The following PRKCH variants were observed in gnomAD, a reference collection of about 807,000 sequenced individuals.
PRKCH encodes protein kinase C eta.
PRKCH carries 28 observed loss-of-function variants against 82.5 expected under a neutral mutation model. That is an observed-to-expected ratio of 0.34 (90% CI 0.25 to 0.47). The LOEUF (loss-of-function observed/expected upper bound fraction) is 0.47, where lower values mean the gene tolerates loss of function less well. Ranked by LOEUF, PRKCH falls within the 20% of genes least tolerant of loss-of-function variation. The pLI is 1.00. For synonymous variants in PRKCH, 322 were observed against 327.4 expected (o/e 0.98, Z 0.18); for missense variants, 705 against 881.8 (o/e 0.80, Z 2.54).
intron 1 of PRKCH, among the ~76,000 whole-genome samples, chr14:61,269,884 C>T (rs974528733): frequency 6.6e-6 from 1 of 152,178 alleles, no homozygotes; most frequent in East Asian, 1.9e-4. Flanking sequence ...CCGTCAGGGG[C>T]AGCGAGGCCA....
chr14:61,335,127 A>G (rs1338524287), intron 1 of PRKCH, among the ~76,000 whole-genome samples: 1 of 152,178 alleles, frequency 6.6e-6, no homozygotes, highest in Non-Finnish European at 1.5e-5. Flanking sequence ...GGGCCTTCTG[A>G]AAAGAATCGT....
intron 1 of PRKCH, among the ~76,000 whole-genome samples, chr14:61,272,344 C>CTTTTTTTTTTTTTTTTTTTTTTTTTTT (rs1162331604): frequency 5.1e-4 from 12 of 23,580 alleles, no homozygotes; most frequent in African/African-American, 1.4e-3. Flanking sequence ...TTTTTTCTTT[C>CTTTTTTTTTTTTTTTTTTTTTTTTTTT]TTTTTTTTTT....
rs576660714 is a variant in PRKCH at position 61,466,199 on chromosome 14, T to C, written c.1278+8520T>C. On this transcript the variant is annotated intron_variant, in intron 9 of 13. Transcript: ENST00000332981. ...AATTATGAAGGATTTTTTTCCTATT[T>C]ACCAAATTTGGTAATAGGATTACAT... Among the ~76,000 whole-genome samples, 3 of 152,296 alleles carry C rather than the reference T, an allele frequency of 2.0e-5. No individual in the cohort carries two copies. In the South Asian group the frequency reaches 6.2e-4, roughly 32 times the overall value.
At chr14:61,465,518 A>G (rs905810744) in intron 9 of PRKCH, among the ~76,000 whole-genome samples, 2 of 152,098 alleles carry the variant, frequency 1.3e-5, no homozygotes, top group African/African-American at 4.8e-5. Context: ...ATCTTTGTTG[A>G]TAATTAATTG....
At chr14:61,487,208 A>T (rs189147206) in intron 10 of PRKCH, among the ~76,000 whole-genome samples, 5 of 152,198 alleles carry the variant, frequency 3.3e-5, no homozygotes, top group Non-Finnish European at 5.9e-5. Context: ...TCAACTCCAT[A>T]CAGTGCATTT....
chr14:61,232,003 C>T (rs1000033470), intron 1 of PRKCH, among the ~76,000 whole-genome samples: 8 of 152,202 alleles, frequency 5.3e-5, no homozygotes, highest in Non-Finnish European at 8.8e-5. Flanking sequence ...CTGGACACAG[C>T]GTCAGATCCC....
rs1004385899 is a variant in PRKCH, at chr14:61,276,098, C to A, written c.-19+88430C>A. On this transcript the variant is annotated intron_variant, in intron 1 of 3. Transcript: ENST00000555185. ...GAAAAATTGGCAAATTCCTGACGAA[C>A]TGCTGCTCTTATGTAAGAATCTCTT... 4.6e-5 allele frequency among the ~76,000 whole-genome samples: 7 copies of A among 152,254 alleles called. No homozygotes were observed. In the South Asian group the frequency reaches 1.2e-3, roughly 27 times the overall value.
chr14:61,282,129 C>T (rs7150213), intron 1 of PRKCH, among the ~76,000 whole-genome samples: 2,510 of 151,998 alleles, frequency 0.017, 73 homozygotes, highest in African/African-American at 0.056. Context: ...AGAGAAAGGC[C>T]CAATCCAAGG....
chr14:61,269,880 G>C (rs1319547568), intron 1 of PRKCH, among the ~76,000 whole-genome samples: 1 of 152,208 alleles, frequency 6.6e-6, no homozygotes, highest in African/African-American at 2.4e-5. Flanking sequence ...GGTCCCGTCA[G>C]GGGCAGCGAG....
At chr14:61,294,211 C>T (rs534603597) in intron 1 of PRKCH, among the ~76,000 whole-genome samples, 53 of 152,126 alleles carry the variant, frequency 3.5e-4, no homozygotes, top group African/African-American at 1.2e-3. Flanking sequence ...AGCTCCACCT[C>T]CTGGGTTCAC....
intron 1 of PRKCH, among the ~76,000 whole-genome samples, chr14:61,232,282 G>A (rs1439904940): frequency 6.6e-6 from 1 of 152,252 alleles, no homozygotes; most frequent in African/African-American, 2.4e-5. Context: ...CTGGAATGCA[G>A]TAGAATGATC....
At position 61,549,983 on chromosome 14, in the gene PRKCH, C is replaced by G; in HGVS notation, c.*152C>G. The G allele has an allele frequency of 3.9e-6, 3 of 762,982 alleles. No individual in the cohort carries two copies. The highest frequency in any genetic ancestry group is 6.2e-6 in the Non-Finnish European group (3 of 487,794). The allele number at this position is 762,982 out of a possible 1,614,324, so 47.3% of individuals were successfully genotyped here. Reference sequence around the variant, plus strand: ...AGAACTCTGTGAAGGATGGAACTTTCAGATATCAACTATTTAGAGTCCAGA... The same window carrying G: ...AGAACTCTGTGAAGGATGGAACTTTGAGATATCAACTATTTAGAGTCCAGA... On this transcript the variant is annotated 3_prime_UTR_variant, in exon 14 of 14. Coordinates refer to ENST00000332981, the MANE Select transcript of PRKCH (RefSeq NM_006255.5).
At chr14:61,439,816 A>C (rs1883871419) in intron 2 of PRKCH, among the ~76,000 whole-genome samples, 1 of 152,200 alleles carries the variant, frequency 6.6e-6, no homozygotes, top group Admixed American at 6.5e-5. Context: ...TGAAGGTGGC[A>C]AGAAATGATT....
intron 1 of PRKCH, among the ~76,000 whole-genome samples, chr14:61,236,466 T>A (rs565596180): frequency 6.6e-6 from 1 of 150,542 alleles, no homozygotes; most frequent in South Asian, 2.1e-4. Context: ...TCCCAGCACT[T>A]TGGGAGGCTG....
intron 1 of PRKCH, among the ~76,000 whole-genome samples, chr14:61,198,014 AATT>A (rs1382126277): frequency 4.6e-5 from 7 of 152,188 alleles, no homozygotes; most frequent in African/African-American, 1.7e-4. Flanking sequence ...GGTTTAAAGT[AATT>A]GTTTTGTTTG....
At chr14:61,204,513 G>A (rs566534013) in intron 1 of PRKCH, among the ~76,000 whole-genome samples, 17 of 152,244 alleles carry the variant, frequency 1.1e-4, no homozygotes, top group African/African-American at 4.1e-4. Context: ...CCAGAACTTT[G>A]GGAGGCCAAG....
At chr14:61,271,703 A>G (rs2045155107) in intron 1 of PRKCH, among the ~76,000 whole-genome samples, 1 of 152,166 alleles carries the variant, frequency 6.6e-6, no homozygotes, top group Non-Finnish European at 1.5e-5. Flanking sequence ...GAGGAGTACA[A>G]TGTGATAGGC....
chr14:61,490,804 G>A (rs745775794), intron 10 of PRKCH, among the ~76,000 whole-genome samples: 2 of 152,144 alleles, frequency 1.3e-5, no homozygotes, highest in African/African-American at 4.8e-5. Flanking sequence ...TGTAGTCCCA[G>A]CTACTCGGGA....
chr14:61,213,430 C>T (rs2044596367), intron 1 of PRKCH, among the ~76,000 whole-genome samples: 1 of 152,152 alleles, frequency 6.6e-6, no homozygotes, highest in Non-Finnish European at 1.5e-5. Flanking sequence ...CACACTCTCC[C>T]AATCCTTGCT....
Sources: allele counts gnomAD v4.1 joint callset (sites outside exome capture counted in the v4.1 genomes callset), GRCh38; gene constraint gnomAD v4.1.1; transcripts MANE v1.5; gene names NCBI Gene and HGNC (gene_info 2026-07-23, HGNC 2026-07-21).